The following ANO2 variants were observed in gnomAD, a reference collection of about 807,000 sequenced individuals.
ANO2 encodes the protein anoctamin-2.
Under a neutral mutation model 124.2 loss-of-function variants are expected in ANO2, and 101 were observed. That is an observed-to-expected ratio of 0.81 (90% CI 0.69 to 0.96). ANO2 has a LOEUF of 0.96. ANO2 is among the 40% of genes least tolerant of loss of function. ANO2 has a pLI of 0.00. For missense variants in ANO2, 1,293 were observed against 1,274.5 expected, an observed-to-expected ratio of 1.01 and a Z score of -0.22; for synonymous variants, 486 against 482.5, an observed-to-expected ratio of 1.01 and a Z score of -0.09.
intron 14 of ANO2, among the ~76,000 whole-genome samples, chr12:5,673,434 A>G (rs574566130): frequency 6.6e-6 from 1 of 152,072 alleles, no homozygotes; most frequent in African/African-American, 2.4e-5. Flanking sequence ...GTGGTTTAAA[A>G]TCTCCCCTTG....
chr12:5,861,353 C>T (rs71459976), intron 3 of ANO2, among the ~76,000 whole-genome samples: 3 of 152,194 alleles, frequency 2.0e-5, no homozygotes, highest in South Asian at 4.1e-4. Context: ...AGAAGGGGTT[C>T]GTACCCCCAG....
intron 7 of ANO2, 156 bp downstream of exon 7, chr12:5,827,613 G>A: frequency 2.3e-6 from 2 of 873,970 alleles, no homozygotes; most frequent in South Asian, 3.0e-5. Context: ...TGCTCCTGGG[G>A]CCAAGGCAGG....
chr12:5,754,631 T>G (rs1220489400), intron 10 of ANO2, among the ~76,000 whole-genome samples: 1 of 152,192 alleles, frequency 6.6e-6, no homozygotes, highest in Non-Finnish European at 1.5e-5. Flanking sequence ...TTGTCATTGG[T>G]CTGTACAGGC....
intron 10 of ANO2, among the ~76,000 whole-genome samples, chr12:5,767,634 T>A (rs79758383): frequency 6.6e-6 from 1 of 152,222 alleles, no homozygotes; most frequent in Non-Finnish European, 1.5e-5. Flanking sequence ...TAGATTCAGA[T>A]GGTGAAACAG....
intron 14 of ANO2, among the ~76,000 whole-genome samples, chr12:5,666,419 C>G (rs1947719483): frequency 6.6e-6 from 1 of 152,188 alleles, no homozygotes; most frequent in Non-Finnish European, 1.5e-5. Context: ...TCTTTCACCC[C>G]TTATTCATTT....
upstream of ANO2, chr12:5,946,098 C>CA: frequency 6.2e-7 from 1 of 1,601,786 alleles, no homozygotes; most frequent in Non-Finnish European, 8.6e-7. The surrounding 1 kb of genome is among the most constrained non-coding windows in gnomAD (Gnocchi z 4.1). Flanking sequence ...CATGGACCCC[C>CA]AAAATGAAGA....
intron 3 of ANO2, among the ~76,000 whole-genome samples, chr12:5,868,268 G>A (rs1955483475): frequency 6.6e-6 from 1 of 152,060 alleles, no homozygotes; most frequent in South Asian, 2.1e-4. Context: ...TGTTCTGGAG[G>A]CCAGGGGATG....
At chr12:5,627,212 T>C (rs1284906870) in intron 16 of ANO2, among the ~76,000 whole-genome samples, 1 of 152,174 alleles carries the variant, frequency 6.6e-6, no homozygotes, top group Admixed American at 6.5e-5. Context: ...TTTAGAATAA[T>C]TTAAGCCAAC....
At chr12:5,820,946 C>T (rs960153455) in intron 7 of ANO2, among the ~76,000 whole-genome samples, 4 of 152,260 alleles carry the variant, frequency 2.6e-5, no homozygotes, top group East Asian at 1.9e-4. Context: ...ATTAGGCCCA[C>T]CAGAAGCAAT....
At chr12:5,632,393 G>A (rs1444573192) in intron 16 of ANO2, among the ~76,000 whole-genome samples, 1 of 151,780 alleles carries the variant, frequency 6.6e-6, no homozygotes, top group African/African-American at 2.4e-5. Context: ...GCCCTTGCTG[G>A]CCATGCAGTT....
At chr12:5,799,867 T>C (rs1952988271) in intron 9 of ANO2, among the ~76,000 whole-genome samples, 1 of 152,248 alleles carries the variant, frequency 6.6e-6, no homozygotes, top group African/African-American at 2.4e-5. Context: ...CTAATGTTCA[T>C]GATTCACTCA....
chr12:5,676,017 A>T (rs1454675998), intron 14 of ANO2, among the ~76,000 whole-genome samples: 1 of 152,120 alleles, frequency 6.6e-6, no homozygotes, highest in Non-Finnish European at 1.5e-5. Flanking sequence ...GCCACATCAC[A>T]TCTTCCAGGC....
At chr12:5,935,549 T>A (rs1419990080) in intron 1 of ANO2, among the ~76,000 whole-genome samples, 2 of 152,230 alleles carry the variant, frequency 1.3e-5, no homozygotes, top group African/African-American at 2.4e-5. Flanking sequence ...AACCAGGATA[T>A]GTCCTCATTT....
At chr12:5,616,876 G>A (rs1487997670) in intron 16 of ANO2, among the ~76,000 whole-genome samples, 2 of 151,808 alleles carry the variant, frequency 1.3e-5, no homozygotes, top group East Asian at 1.9e-4. Flanking sequence ...ACATCCTCCA[G>A]ACCACACAGT....
intron 17 of ANO2, among the ~76,000 whole-genome samples, chr12:5,613,160 C>T (rs982097000): frequency 6.6e-6 from 1 of 152,010 alleles, no homozygotes; most frequent in South Asian, 2.1e-4. Flanking sequence ...ACTTCTTAAC[C>T]CAGTCAAATG....
chr12:5,945,242 C>A lies in ANO2; in HGVS notation c.-25G>T, dbSNP rs1266621157. The A allele has an allele frequency of 1.6e-6, 2 of 1,284,870 alleles. No homozygotes were observed. Among genetic ancestry groups the A allele is most frequent in the Non-Finnish European group, 2.0e-6 (2 of 986,246 alleles). The allele number at this position is 1,284,870 out of a possible 1,614,324, so 79.6% of individuals were successfully genotyped here. On this transcript the variant is annotated 5_prime_UTR_variant, in exon 1 of 25. Transcript: ENST00000682330. ...TGATGTGGACGCAGACCCCGCCGGC[C>A]CGCGGCCGCGCGCTTCTGGGCAGGC...
chr12:5,640,612 A>T (rs1394521625), intron 15 of ANO2, among the ~76,000 whole-genome samples: 1 of 152,226 alleles, frequency 6.6e-6, no homozygotes, highest in Non-Finnish European at 1.5e-5. Context: ...CAGCCAACAG[A>T]CACATGAAAA....
intron 16 of ANO2, among the ~76,000 whole-genome samples, chr12:5,625,686 G>C (rs76662567): frequency 0.033 from 5,016 of 152,152 alleles, 263 homozygotes; most frequent in African/African-American, 0.11. Flanking sequence ...CTTCGAAGTA[G>C]CCAGCCAGCC....
At chr12:5,694,332 G>A (rs1949078892) in intron 14 of ANO2, among the ~76,000 whole-genome samples, 1 of 151,122 alleles carries the variant, frequency 6.6e-6, no homozygotes, top group Non-Finnish European at 1.5e-5. Context: ...AGAGGAGAGA[G>A]AAGGAGAAAG....
Sources: allele counts gnomAD v4.1 joint callset (sites outside exome capture counted in the v4.1 genomes callset), GRCh38; gene constraint gnomAD v4.1.1; non-coding constraint Gnocchi (gnomAD v3.1); transcripts MANE v1.5; gene names NCBI Gene and HGNC (gene_info 2026-07-23, HGNC 2026-07-21).